The following SGMS2 variants were observed in gnomAD, a reference collection of about 807,000 sequenced individuals.
SGMS2 encodes sphingomyelin synthase 2.
SGMS2 carries 21 observed loss-of-function variants against 43.8 expected under a neutral mutation model. The ratio of observed to expected loss-of-function variants is 0.48; its 90% CI spans 0.34 to 0.69. SGMS2 has a LOEUF of 0.69. SGMS2 is among the 30% of genes least tolerant of loss of function. The probability of loss-of-function intolerance (pLI) is 0.01; values close to 1 mark genes in which losing one functional copy is unlikely to be tolerated. For synonymous variants in SGMS2, 167 were observed against 160.6 expected (o/e 1.04, Z -0.30); for missense variants, 384 against 443.2 (o/e 0.87, Z 1.20).
intron 1 of SGMS2, among the ~76,000 whole-genome samples, chr4:107,846,025 G>A (rs1034793550): frequency 2.0e-5 from 3 of 152,070 alleles, no homozygotes; most frequent in Admixed American, 6.6e-5. Context: ...CTTTCGAATT[G>A]TAAGGTAAAT....
intron 2 of SGMS2, among the ~76,000 whole-genome samples, chr4:107,870,300 T>A (rs184853310): frequency 1.8e-3 from 278 of 152,302 alleles, no homozygotes; most frequent in Middle Eastern, 3.4e-3. Context: ...GATGGGAGAT[T>A]AAAATGGACA....
chr4:107,835,221 T>C lies in SGMS2; in HGVS notation c.-327+9968T>C, dbSNP rs185281846. 4.6e-5 allele frequency among the ~76,000 whole-genome samples: 7 copies of C among 152,286 alleles called. No individual in the cohort carries two copies. In the East Asian group the frequency reaches 1.2e-3, roughly 25 times the overall value. On this transcript the variant is annotated intron_variant, in intron 1 of 6. Coordinates refer to ENST00000690982, the MANE Select transcript of SGMS2 (RefSeq NM_001375905.1). ...AATCAGAAATAGTGTAGAATTTTGG[T>C]AATTTTTATGAAATACAGGTGGAAA...
At chr4:107,847,100 A>G (rs989736439) in intron 1 of SGMS2, among the ~76,000 whole-genome samples, 4 of 151,720 alleles carry the variant, frequency 2.6e-5, no homozygotes, top group Non-Finnish European at 5.9e-5. Flanking sequence ...TTTGCTGTGC[A>G]GAAGCTCTTT....
Position 107,861,178 on chromosome 4 carries a change from G to T in SGMS2, c.-245+2625G>T, listed in dbSNP as rs565428828. ...CAGGGTATACAAATGCAGTAAACTGGCTTGCTGTCATAGATGGGGCTCTAC... is the reference window on the plus strand; with the variant it reads ...CAGGGTATACAAATGCAGTAAACTGTCTTGCTGTCATAGATGGGGCTCTAC... On this transcript the variant is annotated intron_variant, in intron 2 of 6. Coordinates refer to ENST00000690982, the MANE Select transcript of SGMS2 (RefSeq NM_001375905.1). 1.1e-4 allele frequency among the ~76,000 whole-genome samples: 16 copies of T among 152,276 alleles called. 1 individual carries two copies. Among genetic ancestry groups the T allele is most frequent in the Admixed American group, 4.6e-4 (7 of 15,298 alleles).
intron 1 of SGMS2, among the ~76,000 whole-genome samples, chr4:107,857,388 A>C (rs144940619): frequency 5.3e-4 from 81 of 152,122 alleles, no homozygotes; most frequent in African/African-American, 1.9e-3. Context: ...TAAGAGTGAC[A>C]CATTTGTTCT....
intron 5 of SGMS2, among the ~76,000 whole-genome samples, chr4:107,905,939 C>T (rs1208737779): frequency 1.3e-5 from 2 of 152,100 alleles, no homozygotes; most frequent in African/African-American, 4.8e-5. Flanking sequence ...ATATAGTGTG[C>T]AAGGAATACC....
chr4:107,853,490 T>C (rs1293977932), intron 1 of SGMS2, among the ~76,000 whole-genome samples: 2 of 152,192 alleles, frequency 1.3e-5, no homozygotes, highest in Non-Finnish European at 2.9e-5. Flanking sequence ...GCCATATCCA[T>C]GGACTCTGCT....
At chr4:107,896,433 A>G (rs1348859878) in intron 3 of SGMS2, among the ~76,000 whole-genome samples, 2 of 152,140 alleles carry the variant, frequency 1.3e-5, no homozygotes, top group African/African-American at 4.8e-5. Context: ...TCATAATGTG[A>G]TGTCTGTATT....
chr4:107,877,605 G>T (rs1405855398), intron 2 of SGMS2, among the ~76,000 whole-genome samples: 1 of 152,178 alleles, frequency 6.6e-6, no homozygotes, highest in African/African-American at 2.4e-5. Flanking sequence ...TGTATGAAAT[G>T]TTTCTAGTGA....
At chr4:107,851,282 A>G (rs546158644) in intron 1 of SGMS2, among the ~76,000 whole-genome samples, 1 of 152,198 alleles carries the variant, frequency 6.6e-6, no homozygotes, top group Non-Finnish European at 1.5e-5. Flanking sequence ...CTTTCAAACA[A>G]GTTTCTCACA....
At chr4:107,864,985 G>A (rs1271543821) in intron 2 of SGMS2, among the ~76,000 whole-genome samples, 1 of 152,036 alleles carries the variant, frequency 6.6e-6, no homozygotes, top group Non-Finnish European at 1.5e-5. Context: ...CTTTCATCAG[G>A]TATCTTTATG....
intron 2 of SGMS2, among the ~76,000 whole-genome samples, chr4:107,858,836 T>G (rs1413185278): frequency 6.6e-6 from 1 of 152,162 alleles, no homozygotes; most frequent in East Asian, 1.9e-4. Context: ...GAAATAGAGG[T>G]AACCCCATAA....
At chr4:107,873,944 T>C (rs1728726523) in intron 2 of SGMS2, 1 of 152,196 alleles carries the variant, frequency 6.6e-6, no homozygotes, top group Non-Finnish European at 1.5e-5. Context: ...TCCACATTTT[T>C]ATTCTCTTTT....
chr4:107,859,426 C>T (rs945908286), intron 2 of SGMS2, among the ~76,000 whole-genome samples: 1 of 152,118 alleles, frequency 6.6e-6, no homozygotes, highest in African/African-American at 2.4e-5. Context: ...TATTTGTCTT[C>T]TGTGAAATTC....
intron 2 of SGMS2, among the ~76,000 whole-genome samples, chr4:107,860,629 A>G (rs1727675902): frequency 6.6e-6 from 1 of 151,824 alleles, no homozygotes; most frequent in African/African-American, 2.4e-5. Flanking sequence ...GGTTCAAGCA[A>G]TTCTCCTGCC....
chr4:107,899,287 A>G (rs1166338444), intron 3 of SGMS2, among the ~76,000 whole-genome samples: 1 of 152,156 alleles, frequency 6.6e-6, no homozygotes, highest in African/African-American at 2.4e-5. Context: ...CTCTTCGTCT[A>G]CTTTAGTTCC....
intron 1 of SGMS2, among the ~76,000 whole-genome samples, chr4:107,832,076 T>G (rs1187607207): frequency 2.0e-5 from 3 of 152,198 alleles, no homozygotes; most frequent in African/African-American, 7.2e-5. Flanking sequence ...ACAGTTTATT[T>G]AACACAGCTG....
chr4:107,839,507 T>G (rs1297667884), intron 1 of SGMS2, among the ~76,000 whole-genome samples: 3 of 152,100 alleles, frequency 2.0e-5, no homozygotes, highest in Non-Finnish European at 4.4e-5. Flanking sequence ...GATTATTCCT[T>G]TAAGTGGAGG....
At chr4:107,850,982 C>T (rs757346628) in intron 1 of SGMS2, among the ~76,000 whole-genome samples, 18 of 152,166 alleles carry the variant, frequency 1.2e-4, no homozygotes, top group Non-Finnish European at 2.4e-4. Context: ...TACTCTCTTT[C>T]ATATGGACAC....
Sources: gnomAD v4.1 joint callset for allele counts (sites outside exome capture counted in the v4.1 genomes callset) on GRCh38, gnomAD v4.1.1 for gene constraint, MANE v1.5 for transcripts, NCBI Gene and HGNC (gene_info 2026-07-23, HGNC 2026-07-21) for gene names.